GPHN: variants seen among roughly 807,000 people sequenced by gnomAD.
GPHN encodes the protein gephyrin.
Under a neutral mutation model 95.5 loss-of-function variants are expected in GPHN, and 17 were observed. The observed-to-expected ratio is 0.18, with a 90% CI of 0.12 to 0.27. The LOEUF (loss-of-function observed/expected upper bound fraction) is 0.27, where lower values mean the gene tolerates loss of function less well. Among genes scored for constraint, GPHN ranks in the 10% least tolerant of loss-of-function variants. The probability of loss-of-function intolerance (pLI) is 1.00; values close to 1 mark genes in which losing one functional copy is unlikely to be tolerated. For missense variants in GPHN, 660 were observed against 978.1 expected, an observed-to-expected ratio of 0.67 and a Z score of 4.34; for synonymous variants, 320 against 322.5, an observed-to-expected ratio of 0.99 and a Z score of 0.08.
At chr14:66,975,528 A>G (rs2070152067) in intron 9 of GPHN, among the ~76,000 whole-genome samples, 1 of 152,152 alleles carries the variant, frequency 6.6e-6, no homozygotes, top group Non-Finnish European at 1.5e-5. Context: ...TTGAGTGTGT[A>G]AAAATATTAT....
rs957290700 is a variant in GPHN at position 67,166,273 on chromosome 14, G to A, written c.1975+1047G>A. Reference sequence around the variant, plus strand: ...TCAGAATGTATCTGTAACATGAAACGCCTTAGGACCTTTCATAATTCCTTG... The same window carrying A: ...TCAGAATGTATCTGTAACATGAAACACCTTAGGACCTTTCATAATTCCTTG... On this transcript the variant is annotated intron_variant, in intron 20 of 22. Transcript: ENST00000478722. 2.0e-5 allele frequency among the ~76,000 whole-genome samples: 3 copies of A among 152,144 alleles called. No individual in the cohort carries two copies. The South Asian group carries it at 6.2e-4, about 31-fold the overall frequency.
intron 5 of GPHN, among the ~76,000 whole-genome samples, chr14:66,911,493 T>C (rs968473469): frequency 6.6e-6 from 1 of 152,002 alleles, no homozygotes; most frequent in South Asian, 2.1e-4. Context: ...ATAATAGTTA[T>C]TTGGAGAAGA....
the GPHN span, chr14:67,323,817 A>G: frequency 7.0e-7 from 1 of 1,433,432 alleles, no homozygotes; most frequent in Non-Finnish European, 9.7e-7. Context: ...CCAAAGGTAA[A>G]GTTTTCACAC....
At chr14:67,485,766 G>A in the GPHN span, among the ~76,000 whole-genome samples, 1 of 152,382 alleles carries the variant, frequency 6.6e-6, no homozygotes, top group South Asian at 2.1e-4. Context: ...AGAAAGGCCT[G>A]TGAGGACAGG....
intron 9 of GPHN, among the ~76,000 whole-genome samples, chr14:66,987,391 G>A (rs186293361): frequency 3.9e-5 from 6 of 152,156 alleles, no homozygotes; most frequent in South Asian, 2.1e-4. Flanking sequence ...GTGCGCGTGC[G>A]TGCAGTTATC....
At chr14:66,708,799 A>G (rs942044289) in intron 2 of GPHN, among the ~76,000 whole-genome samples, 4 of 152,086 alleles carry the variant, frequency 2.6e-5, no homozygotes, top group African/African-American at 9.7e-5. Context: ...TGTAGATTAT[A>G]TGGTTGCATG....
At chr14:67,665,780 C>T in the GPHN span, among the ~76,000 whole-genome samples, 1 of 152,064 alleles carries the variant, frequency 6.6e-6, no homozygotes, top group Non-Finnish European at 1.5e-5. Flanking sequence ...TTGTTGTGTG[C>T]CACCCCCTTA....
the GPHN span, chr14:67,735,250 C>T: frequency 7.8e-7 from 1 of 1,274,090 alleles, no homozygotes; most frequent in Non-Finnish European, 1.1e-6. Context: ...GACACAGCCT[C>T]CCTCAGCACT....
At chr14:67,707,004 G>T in the GPHN span, among the ~76,000 whole-genome samples, 1 of 152,148 alleles carries the variant, frequency 6.6e-6, no homozygotes, top group Non-Finnish European at 1.5e-5. Context: ...ATTGATATAG[G>T]CCACATTACT....
chr14:67,724,516 C>T, the GPHN span: 1 of 1,612,560 alleles, frequency 6.2e-7, no homozygotes, highest in East Asian at 2.2e-5. Flanking sequence ...TGTGCAGCTT[C>T]CTGGCAAGGT....
At chr14:66,812,919 C>CT (rs1284298632) in intron 3 of GPHN, among the ~76,000 whole-genome samples, 3 of 152,110 alleles carry the variant, frequency 2.0e-5, no homozygotes, top group Admixed American at 2.0e-4. Flanking sequence ...GGAAAATTAT[C>CT]TTTGACTACA....
At chr14:66,751,144 G>T (rs1396147052) in intron 2 of GPHN, among the ~76,000 whole-genome samples, 1 of 151,944 alleles carries the variant, frequency 6.6e-6, no homozygotes, top group Non-Finnish European at 1.5e-5. Context: ...GAATGGTGCT[G>T]CAGTGAACCT....
At chr14:67,609,081 C>G in the GPHN span, among the ~76,000 whole-genome samples, 1 of 152,076 alleles carries the variant, frequency 6.6e-6, no homozygotes, top group Non-Finnish European at 1.5e-5. Context: ...GAACTTCCCA[C>G]CAACCAGCTA....
At chr14:67,107,324 T>C (rs953781628) in intron 13 of GPHN, among the ~76,000 whole-genome samples, 1 of 152,076 alleles carries the variant, frequency 6.6e-6, no homozygotes, top group African/African-American at 2.4e-5. Flanking sequence ...GGAGCCAGGA[T>C]CCAAGGCTCA....
chr14:66,938,235 A>C (rs930448925), intron 8 of GPHN, among the ~76,000 whole-genome samples: 5 of 152,214 alleles, frequency 3.3e-5, no homozygotes, highest in African/African-American at 1.2e-4. Context: ...GGAAATTACT[A>C]AGAGTTTCTG....
intron 1 of GPHN, among the ~76,000 whole-genome samples, chr14:66,514,184 A>G (rs2058149594): frequency 6.6e-6 from 1 of 152,042 alleles, no homozygotes; most frequent in Non-Finnish European, 1.5e-5. Flanking sequence ...TAATATTAAG[A>G]TAAGCATAAG....
downstream of GPHN, among the ~76,000 whole-genome samples, chr14:67,183,682 G>A (rs950589456): frequency 8.1e-5 from 12 of 148,840 alleles, no homozygotes; most frequent in Non-Finnish European, 1.5e-4. Flanking sequence ...TCCTGCCTCA[G>A]CCTCCCAAGT....
At chr14:67,137,343 C>T (rs1253293749) in intron 17 of GPHN, among the ~76,000 whole-genome samples, 1 of 151,734 alleles carries the variant, frequency 6.6e-6, no homozygotes, top group Non-Finnish European at 1.5e-5. Flanking sequence ...GACAGGGTTT[C>T]ACCATGTTAA....
intron 8 of GPHN, among the ~76,000 whole-genome samples, chr14:66,952,336 A>T (rs1217192750): frequency 6.7e-6 from 1 of 148,276 alleles, no homozygotes; most frequent in African/African-American, 2.7e-5. Flanking sequence ...CAACATTTTC[A>T]AGGTTATCCA....
Sources: gnomAD v4.1 joint callset for allele counts (sites outside exome capture counted in the v4.1 genomes callset) on GRCh38, gnomAD v4.1.1 for gene constraint, MANE v1.5 for transcripts, NCBI Gene and HGNC (gene_info 2026-07-23, HGNC 2026-07-21) for gene names.